Variants in LRIG1 observed in about 807,000 individuals in gnomAD.
LRIG1 encodes the protein leucine rich repeats and immunoglobulin like domains 1, also known as leucine-rich repeats and immunoglobulin-like domains protein 1.
In LRIG1, 48 loss-of-function variants were observed where a neutral mutation model predicts 99.2. The observed-to-expected ratio is 0.48, with a 90% CI of 0.38 to 0.62. The LOEUF (loss-of-function observed/expected upper bound fraction) is 0.62, where lower values mean the gene tolerates loss of function less well. LRIG1 is among the 20% of genes least tolerant of loss of function. The pLI, the probability that LRIG1 is intolerant of heterozygous loss-of-function variation, is 0.00. For missense variants in LRIG1, 1,646 were observed against 1,434.4 expected (o/e 1.15, Z -2.38); for synonymous variants, 772 against 596.1 (o/e 1.29, Z -4.30).
intron 1 of LRIG1, among the ~76,000 whole-genome samples, chr3:66,473,382 T>TAGAG (rs1700647213): frequency 6.6e-6 from 1 of 152,158 alleles, no homozygotes; most frequent in South Asian, 2.1e-4. Context: ...CACTGGAACT[T>TAGAG]ACACACGTCC....
intron 9 of LRIG1, chr3:66,404,537 A>T: frequency 1.7e-6 from 1 of 580,352 alleles, no homozygotes; most frequent in South Asian, 3.2e-5. Flanking sequence ...GCAAATCCTG[A>T]GCCTGCCACT....
At chr3:66,427,075 A>G (rs1212846818) in intron 3 of LRIG1, among the ~76,000 whole-genome samples, 4 of 151,704 alleles carry the variant, frequency 2.6e-5, no homozygotes, top group South Asian at 2.1e-4. Context: ...GACTGGGGGG[A>G]AAAAAAATCT....
intron 3 of LRIG1, among the ~76,000 whole-genome samples, chr3:66,438,976 G>C (rs1470578492): frequency 6.6e-6 from 1 of 152,220 alleles, no homozygotes; most frequent in Non-Finnish European, 1.5e-5. Context: ...CTTTTCCAGG[G>C]AATGGGGGAA....
At chr3:66,436,892 G>C (rs1299142806) in intron 3 of LRIG1, among the ~76,000 whole-genome samples, 1 of 152,162 alleles carries the variant, frequency 6.6e-6, no homozygotes, top group African/African-American at 2.4e-5. Flanking sequence ...GAAGATCTCT[G>C]CTTGTCCTTG....
chr3:66,417,495 T>C (rs937798679), intron 3 of LRIG1: 12 of 513,988 alleles, frequency 2.3e-5, no homozygotes, highest in East Asian at 7.0e-5. Flanking sequence ...ATCCCTAGGC[T>C]TCCCTCTCCA....
Position 66,459,715 on chromosome 3 carries a change from A to G in LRIG1, c.290+2723T>C, listed in dbSNP as rs141481651. Among the ~76,000 whole-genome samples the G allele has an allele frequency of 3.4e-3, 519 of 152,320 alleles. 7 individuals are homozygous for G. The highest frequency in any genetic ancestry group is 0.024 in the East Asian group (127 of 5,190). ...TCAGTGAGAGGAGAGGTTTGTCTGC[A>G]GGGCTGGAATTGGGTAGGGAGGGGC... On this transcript the variant is annotated intron_variant, in intron 2 of 18. Transcript: ENST00000273261.
intron 2 of LRIG1, among the ~76,000 whole-genome samples, chr3:66,458,323 G>C (rs1700275895): frequency 1.3e-5 from 2 of 152,116 alleles, no homozygotes; most frequent in Admixed American, 1.3e-4. Context: ...GCTCACGCTG[G>C]TCTCAAATTC....
At chr3:66,443,659 C>T (rs373834553) in intron 3 of LRIG1, among the ~76,000 whole-genome samples, 14 of 152,326 alleles carry the variant, frequency 9.2e-5, no homozygotes, top group African/African-American at 3.4e-4. Context: ...GTCTGTTCAC[C>T]CATCTTCCTC....
chr3:66,473,320 C>A (rs981877029), intron 1 of LRIG1, among the ~76,000 whole-genome samples: 1 of 152,152 alleles, frequency 6.6e-6, no homozygotes, highest in Non-Finnish European at 1.5e-5. Context: ...AAGAAAAACC[C>A]TTCCTGGGAA....
intron 3 of LRIG1, among the ~76,000 whole-genome samples, chr3:66,437,644 C>CT (rs1399142025): frequency 6.6e-6 from 1 of 152,134 alleles, no homozygotes; most frequent in East Asian, 1.9e-4. Flanking sequence ...TAAGATGACC[C>CT]TTCCACTTGG....
At chr3:66,394,242 G>A (rs769797130) in intron 11 of LRIG1, 39 bp from the exon 12 acceptor site, 6 of 1,514,614 alleles carry the variant, frequency 4.0e-6, no homozygotes, top group African/African-American at 1.4e-5. Context: ...AGGTGCAGCC[G>A]CAAAGGAGGG....
chr3:66,379,980 T>A lies in LRIG1; in HGVS notation c.*283A>T. 4.1e-6 allele frequency: 1 copy of A among 241,576 alleles called. No homozygotes were observed. Among genetic ancestry groups the A allele is most frequent in the Non-Finnish European group, 7.9e-6 (1 of 125,928 alleles). The allele number at this position is 241,576 out of a possible 1,614,324, so 15.0% of individuals were successfully genotyped here. ...GTCAAAATTGTATAATTTTTTTCTG[T>A]TAACCATGCACTAAAGATTAAAATA... On this transcript the variant is annotated 3_prime_UTR_variant, in exon 19 of 19. Transcript: ENST00000273261.
chr3:66,429,787 G>GGTGTGT (rs35021380), intron 3 of LRIG1, among the ~76,000 whole-genome samples: 17 of 149,330 alleles, frequency 1.1e-4, no homozygotes, highest in African/African-American at 3.7e-4. Flanking sequence ...AAACAGGGTG[G>GGTGTGT]GTGTGTGTGT....
intron 9 of LRIG1, chr3:66,401,612 C>T: frequency 6.6e-7 from 1 of 1,523,478 alleles, no homozygotes; most frequent in South Asian, 1.2e-5. Flanking sequence ...TCCTTACCTT[C>T]CCCCAGCAGA....
chr3:66,453,997 G>C (rs1431839605), intron 2 of LRIG1, among the ~76,000 whole-genome samples: 2 of 152,182 alleles, frequency 1.3e-5, no homozygotes, highest in Admixed American at 1.3e-4. Context: ...GTGGAGCATA[G>C]AGGGGTGGTG....
chr3:66,500,477 G>T lies in LRIG1; in HGVS notation c.-70C>A. 1 of 868,344 alleles carries T rather than the reference G, an allele frequency of 1.2e-6. No individual in the cohort carries two copies. Among genetic ancestry groups the T allele is most frequent in the Non-Finnish European group, 1.6e-6 (1 of 633,914 alleles). The allele number at this position is 868,344 out of a possible 1,614,324, so 53.8% of individuals were successfully genotyped here. A position where few individuals can be genotyped will look rare whatever the true frequency, so the allele number is the denominator to read the frequency against. On this transcript the variant is annotated 5_prime_UTR_variant, in exon 1 of 19. Transcript: ENST00000273261. ...GACCCGAACGGCCGCAGACGCGGGC[G>T]GGCCCGCGGGGCGCTCCGCTCGGCT...
At chr3:66,408,913 A>AGT (rs55651719) in intron 7 of LRIG1, among the ~76,000 whole-genome samples, 3,518 of 34,886 alleles carry the variant, frequency 0.1, 304 homozygotes, top group Non-Finnish European at 0.12. Context: ...ACTCCAAGTC[A>AGT]GTGTGTGTGT....
In LRIG1 at chr3:66,500,225, C is replaced by T. The variant is rs1348185624; in HGVS notation, c.183G>A (p.Ala61=). The part of the protein sequence containing the change: ...SLDCGGRGLA[A]LPGDLPSWTR... The stretch of plus-strand genomic sequence containing the variant: ...TCCAGGAGGGCAGGTCCCCGGGCAA[C>T]GCAGCCAGCCCGCGCCCACCGCAGT... Residue 61 remains alanine, a synonymous_variant, in exon 1 of 19, where the codon GCG becomes GCA. Transcript: ENST00000273261. 2.0e-6 allele frequency: 3 copies of T among 1,512,034 alleles called. No homozygotes were observed. Among genetic ancestry groups the T allele is most frequent in the East Asian group, 2.7e-5 (1 of 37,270 alleles). 93.7% of individuals were successfully genotyped at this position (1,512,034 alleles called of 1,614,324 possible). A position where few individuals can be genotyped will look rare whatever the true frequency, so the allele number is the denominator to read the frequency against.
intron 3 of LRIG1, among the ~76,000 whole-genome samples, chr3:66,435,080 C>G (rs1277027519): frequency 6.9e-6 from 1 of 145,802 alleles, no homozygotes. Context: ...TACGGCACAT[C>G]CATATTATGG....
Sources: gnomAD v4.1 joint callset for allele counts (sites outside exome capture counted in the v4.1 genomes callset) on GRCh38, gnomAD v4.1.1 for gene constraint, MANE v1.5 for transcripts, NCBI Gene and HGNC (gene_info 2026-07-23, HGNC 2026-07-21) for gene names.